The following ALMS1 variants were observed in gnomAD, a reference collection of about 807,000 sequenced individuals.
The protein encoded by ALMS1 is centrosome-associated protein ALMS1.
Under a neutral mutation model 352.2 loss-of-function variants are expected in ALMS1, and 271 were observed. The ratio of observed to expected loss-of-function variants is 0.77; its 90% CI spans 0.70 to 0.85. The LOEUF is 0.85. ALMS1 is among the 40% of genes least tolerant of loss of function. The pLI is 0.00. For synonymous variants in ALMS1, 1,865 were observed against 1,761.2 expected (o/e 1.06, Z -1.48); for missense variants, 5,445 against 4,870.7 (o/e 1.12, Z -3.51).
At chr2:73,471,696 T>C (rs190938265) in intron 9 of ALMS1, among the ~76,000 whole-genome samples, 57 of 151,896 alleles carry the variant, frequency 3.8e-4, no homozygotes, top group African/African-American at 1.3e-3. Context: ...ATGGCTGATA[T>C]CAAAACAAAA....
At chr2:73,588,388 C>T (rs927667610) in intron 16 of ALMS1, among the ~76,000 whole-genome samples, 2 of 152,064 alleles carry the variant, frequency 1.3e-5, no homozygotes, top group South Asian at 2.1e-4. Flanking sequence ...GCCCCACCCT[C>T]GTTCTCTCTG....
At chr2:73,594,225 T>G (rs996712342) in intron 16 of ALMS1, among the ~76,000 whole-genome samples, 2 of 147,532 alleles carry the variant, frequency 1.4e-5, no homozygotes, top group Non-Finnish European at 3.0e-5. Flanking sequence ...CACATCCTAG[T>G]GAACAGTTGT....
chr2:73,448,886 G>A lies in ALMS1; in HGVS notation c.2359G>A (p.Gly787Ser). Residue 787 changes from glycine to serine, a missense_variant, in exon 8 of 23, where the codon GGT becomes AGT. Gly to Ser is a moderately conservative substitution (Grantham distance 56). Coordinates refer to ENST00000613296, the MANE Select transcript of ALMS1 (RefSeq NM_001378454.1). ...DLADSHLPEE[G>S]LKVSAVAGPA... ...AGCAGACAGTCATCTACCTGAAGAG[G>A]GTCTGAAAGTTTCAGCTGTTGCTGG... The A allele has an allele frequency of 6.2e-7, 1 of 1,613,780 alleles. No individual in the cohort carries two copies. Among genetic ancestry groups the A allele is most frequent in the Admixed American group, 1.7e-5 (1 of 59,992 alleles).
At chr2:73,473,552 A>G (rs1201145216) in intron 9 of ALMS1, among the ~76,000 whole-genome samples, 2 of 152,072 alleles carry the variant, frequency 1.3e-5, no homozygotes, top group Non-Finnish European at 2.9e-5. Context: ...CATTCAAAGG[A>G]AAAAAGAGAA....
chr2:73,501,440 C>A (rs1044026271), intron 10 of ALMS1, among the ~76,000 whole-genome samples: 3 of 151,890 alleles, frequency 2.0e-5, no homozygotes, highest in African/African-American at 7.3e-5. Flanking sequence ...ATGTTATGGT[C>A]TTAACTTTGT....
chr2:73,422,775 G>T (rs1466726449), intron 3 of ALMS1, 82 bp from the exon 4 acceptor site: 1 of 1,096,142 alleles, frequency 9.1e-7, no homozygotes, highest in Non-Finnish European at 1.4e-6. Flanking sequence ...GGCAGCATAT[G>T]TAGGTGCTTT....
intron 11 of ALMS1, among the ~76,000 whole-genome samples, chr2:73,527,902 C>T (rs1209286722): frequency 2.0e-5 from 3 of 151,862 alleles, no homozygotes; most frequent in Non-Finnish European, 4.4e-5. Context: ...AAACTTTCCT[C>T]TTAGTACTGG....
At chr2:73,405,560 TTTCTA>T (rs548393056) in intron 1 of ALMS1, among the ~76,000 whole-genome samples, 2 of 152,166 alleles carry the variant, frequency 1.3e-5, no homozygotes, top group South Asian at 4.1e-4. Context: ...TCCTACTGTT[TTTCTA>T]TTCTCTTTTC....
intron 10 of ALMS1, among the ~76,000 whole-genome samples, chr2:73,502,013 A>T (rs988944882): frequency 1.3e-5 from 2 of 152,092 alleles, no homozygotes; most frequent in Non-Finnish European, 2.9e-5. Flanking sequence ...AGTAGTTAAT[A>T]TACTATGGTA....
rs1219072130 is a variant in ALMS1 at position 73,449,479 on chromosome 2, T to C, written c.2952T>C (p.Ile984=). The C allele has an allele frequency of 3.1e-6, 5 of 1,614,072 alleles. No individual in the cohort carries two copies. In the Admixed American group the frequency reaches 8.3e-5, roughly 27 times the overall value. The change falls in exon 8 of 23, where the codon ATT becomes ATC. Residue 984 remains isoleucine, a synonymous_variant. Transcript: ENST00000613296. ...LPRESLKMSA[I]PGLTDQKTVP... ...GAGAATCTCTGAAAATGTCTGCTAT[T>C]CCTGGACTGACTGACCAGAAGACTG...
chr2:73,490,325 C>T lies in ALMS1; in HGVS notation c.8366C>T (p.Ala2789Val), dbSNP rs1167449919. ...NSQDKEVTIL[A>V]EGRRQSQKLP... ...CAAGATAAAGAAGTGACTATTTTAG[C>T]AGAAGGTAGAAGGCAAAGCCAAAAA... Residue 2789 changes from alanine (A) to valine (V), a missense_variant, in exon 10 of 23, where the codon GCA (alanine) becomes GTA (valine). Coordinates refer to ENST00000613296, the MANE Select transcript of ALMS1 (RefSeq NM_001378454.1). The T allele has an allele frequency of 6.2e-7, 1 of 1,611,610 alleles. No individual in the cohort carries two copies. Among genetic ancestry groups the T allele is most frequent in the East Asian group, 2.2e-5 (1 of 44,858 alleles).
chr2:73,399,523 A>T (rs1424470994), intron 1 of ALMS1, among the ~76,000 whole-genome samples: 1 of 151,848 alleles, frequency 6.6e-6, no homozygotes, highest in African/African-American at 2.4e-5. Flanking sequence ...TCTTTTAAAC[A>T]ACCAGGTCTT....
chr2:73,551,771 C>G (rs1674440972), intron 13 of ALMS1, among the ~76,000 whole-genome samples: 1 of 151,916 alleles, frequency 6.6e-6, no homozygotes, highest in African/African-American at 2.4e-5. Flanking sequence ...TCTTCTGCAC[C>G]CCTGCCATTA....
At chr2:73,423,480 A>C (rs1671321447) in intron 4 of ALMS1, among the ~76,000 whole-genome samples, 1 of 152,176 alleles carries the variant, frequency 6.6e-6, no homozygotes. Context: ...GATACTCCAA[A>C]TTCATGTCCT....
intron 1 of ALMS1, among the ~76,000 whole-genome samples, chr2:73,404,454 TTATAGTC>T (rs1278563073): frequency 6.6e-6 from 1 of 152,116 alleles, no homozygotes; most frequent in African/African-American, 2.4e-5. Context: ...TTTCTTCTGT[TTATAGTC>T]TGTTGACTTT....
chr2:73,606,196 C>T (rs150459798), intron 21 of ALMS1, among the ~76,000 whole-genome samples: 1 of 152,250 alleles, frequency 6.6e-6, no homozygotes, highest in Non-Finnish European at 1.5e-5. Context: ...CTGTCACAGG[C>T]TTATTGTTAT....
Position 73,519,982 on chromosome 2 carries a change from A to G in ALMS1, c.9747A>G (p.Ser3249=), listed in dbSNP as rs2103962624. Reference sequence around the variant, plus strand: ...CTGTCAAGTTTGCCTCATCATCTTCAGTCCAACAGGTTACTTTTTCTCGCG... The same window carrying G: ...CTGTCAAGTTTGCCTCATCATCTTCGGTCCAACAGGTTACTTTTTCTCGCG... ...KAPVKFASSS[S]VQQVTFSRGT... is the part of the protein sequence containing the mutation. The change falls in exon 11 of 23, where the codon TCA becomes TCG. Residue 3249 remains serine, a synonymous_variant. Transcript: ENST00000613296. 1 of 1,614,152 alleles carries G rather than the reference A, an allele frequency of 6.2e-7. No individual in the cohort carries two copies.
rs759024519 is a variant in ALMS1 at position 73,451,907 on chromosome 2, C to T, written c.5380C>T (p.Gln1794Ter). 3 of 1,613,944 alleles carry T rather than the reference C, an allele frequency of 1.9e-6. No homozygotes were observed. In the African/African-American group the frequency reaches 4.0e-5, roughly 22 times the overall value. The change falls in exon 8 of 23, where the codon CAG (glutamine) becomes TAG (stop). Residue 1794 changes from glutamine (Q) to a stop codon, truncating the protein, a stop_gained. Coordinates refer to ENST00000613296, the MANE Select transcript of ALMS1 (RefSeq NM_001378454.1). LOFTEE classifies it high-confidence loss of function. ...KVSNVPGPAD[Q>*]KTGVSTVTST... ...TTCAAATGTTCCTGGACCAGCTGACCAGAAGACTGGGGTATCAACAGTAAC... is the reference window on the plus strand; with the variant it reads ...TTCAAATGTTCCTGGACCAGCTGACTAGAAGACTGGGGTATCAACAGTAAC...
chr2:73,408,553 AGTTT>A, intron 1 of ALMS1, 65 bp from the exon 2 acceptor site: 1 of 1,521,894 alleles, frequency 6.6e-7, no homozygotes, highest in South Asian at 1.2e-5. Context: ...TCTAAATATT[AGTTT>A]ATTTTTGTTG....
Sources: allele counts gnomAD v4.1 joint callset (sites outside exome capture counted in the v4.1 genomes callset), GRCh38; gene constraint gnomAD v4.1.1; transcripts MANE v1.5; gene names NCBI Gene and HGNC (gene_info 2026-07-23, HGNC 2026-07-21).